Variants in SNX29 observed in about 807,000 individuals in gnomAD.
SNX29 encodes sorting nexin-29.
In SNX29, 78 loss-of-function variants were observed where a neutral mutation model predicts 102.1. The ratio of observed to expected loss-of-function variants is 0.76; its 90% CI spans 0.64 to 0.92. The LOEUF (loss-of-function observed/expected upper bound fraction) is 0.92, where lower values mean the gene tolerates loss of function less well. Among genes scored for constraint, SNX29 ranks in the 40% least tolerant of loss-of-function variants. SNX29 has a pLI of 0.00. For missense variants in SNX29, 1,280 were observed against 1,061.7 expected, an observed-to-expected ratio of 1.21 and a Z score of -2.86; for synonymous variants, 580 against 414.5, an observed-to-expected ratio of 1.40 and a Z score of -4.85.
chr16:12,467,092 C>G (rs2087090102), intron 18 of SNX29, among the ~76,000 whole-genome samples: 1 of 152,180 alleles, frequency 6.6e-6, no homozygotes, highest in Admixed American at 6.5e-5. Flanking sequence ...GTCGGGCAGA[C>G]CTGGGCTTCA....
chr16:12,275,765 A>C (rs2079226544), intron 14 of SNX29, among the ~76,000 whole-genome samples: 1 of 151,720 alleles, frequency 6.6e-6, no homozygotes, highest in African/African-American at 2.4e-5. Context: ...GACACATAAT[A>C]AATTGTGCAT....
Position 12,572,068 on chromosome 16 carries a change from A to T in SNX29, c.*3439A>T, listed in dbSNP as rs573223006. The T allele has an allele frequency of 1.0e-5, 11 of 1,063,464 alleles. No homozygotes were observed. In the South Asian group the frequency reaches 4.6e-4, roughly 44 times the overall value. 65.9% of individuals were successfully genotyped at this position (1,063,464 alleles called of 1,614,324 possible). On this transcript the variant is annotated 3_prime_UTR_variant, in exon 21 of 21. Transcript: ENST00000566228. ...TTGTAAACAAGGGAACCATCTTGCAAGATCTAGGAAGAGGAAGGGGAGGGA... is the reference window on the plus strand; with the variant it reads ...TTGTAAACAAGGGAACCATCTTGCATGATCTAGGAAGAGGAAGGGGAGGGA...
At chr16:12,063,091 G>C (rs1373020928) in intron 9 of SNX29, among the ~76,000 whole-genome samples, 1 of 152,180 alleles carries the variant, frequency 6.6e-6, no homozygotes, top group East Asian at 1.9e-4. Flanking sequence ...GAACTCATCT[G>C]CTCTTGAGCA....
At chr16:12,317,679 G>A (rs1461063180) in intron 15 of SNX29, among the ~76,000 whole-genome samples, 1 of 152,200 alleles carries the variant, frequency 6.6e-6, no homozygotes, top group Non-Finnish European at 1.5e-5. Flanking sequence ...GACTAAGTGT[G>A]TCTTATGCAC....
rs1298660874 is a variant in SNX29, at chr16:12,572,507, T to G, written c.*3878T>G. ...TTGGGGTTCCAGGCCTCGGCCTTCCTGCTCCACGTGCTCAAGCCCCCACAG... is the reference window on the plus strand; with the variant it reads ...TTGGGGTTCCAGGCCTCGGCCTTCCGGCTCCACGTGCTCAAGCCCCCACAG... On this transcript the variant is annotated 3_prime_UTR_variant, in exon 21 of 21. Coordinates refer to ENST00000566228, the MANE Select transcript of SNX29 (RefSeq NM_032167.5). The G allele has an allele frequency of 3.8e-6, 4 of 1,063,716 alleles. No individual in the cohort carries two copies. The Admixed American group carries it at 2.1e-4, about 57-fold the overall frequency. The allele number at this position is 1,063,716 out of a possible 1,614,324, so 65.9% of individuals were successfully genotyped here.
chr16:12,095,925 C>T (rs1596866782), intron 11 of SNX29, among the ~76,000 whole-genome samples: 1 of 152,208 alleles, frequency 6.6e-6, no homozygotes, highest in African/African-American at 2.4e-5. Context: ...GCTAGTGAGG[C>T]GTTCTGGCTC....
intron 11 of SNX29, among the ~76,000 whole-genome samples, chr16:12,121,776 A>C (rs1190520465): frequency 2.0e-5 from 3 of 152,046 alleles, no homozygotes; most frequent in Non-Finnish European, 4.4e-5. Flanking sequence ...GGTTTCATTT[A>C]AGGGTGGGTT....
chr16:12,333,753 C>T (rs1454915630), intron 15 of SNX29, among the ~76,000 whole-genome samples: 3 of 152,126 alleles, frequency 2.0e-5, no homozygotes, highest in Non-Finnish European at 4.4e-5. Context: ...TTATCTGTAT[C>T]TCTCACAGAG....
intron 12 of SNX29, among the ~76,000 whole-genome samples, chr16:12,127,804 G>A (rs948900098): frequency 6.6e-6 from 1 of 152,104 alleles, no homozygotes; most frequent in Admixed American, 6.6e-5. Context: ...CTTAAAGTTT[G>A]CCCAAATCAG....
intron 18 of SNX29, among the ~76,000 whole-genome samples, chr16:12,462,564 T>C (rs569445097): frequency 1.4e-4 from 21 of 151,500 alleles, no homozygotes; most frequent in Non-Finnish European, 3.1e-4. Flanking sequence ...TTAATTTGTA[T>C]CCCAGTCTTA....
chr16:12,514,060 C>T (rs1299768269), intron 19 of SNX29, among the ~76,000 whole-genome samples: 2 of 152,250 alleles, frequency 1.3e-5, no homozygotes, highest in Non-Finnish European at 2.9e-5. Context: ...GGCTTGCTCC[C>T]TGCATCCCAG....
chr16:12,073,552 T>C (rs188116556), intron 10 of SNX29, among the ~76,000 whole-genome samples: 2 of 152,208 alleles, frequency 1.3e-5, no homozygotes, highest in Non-Finnish European at 2.9e-5. Context: ...ATAATTTCTG[T>C]TCTTTTACAT....
intron 15 of SNX29, among the ~76,000 whole-genome samples, chr16:12,355,777 C>T (rs370072345): frequency 8.5e-5 from 12 of 140,772 alleles, no homozygotes; most frequent in East Asian, 4.3e-4. Context: ...AGGACCACAG[C>T]GCATAGCCAG....
At chr16:12,228,336 C>T (rs1438437795) in intron 14 of SNX29, among the ~76,000 whole-genome samples, 2 of 152,194 alleles carry the variant, frequency 1.3e-5, no homozygotes, top group Non-Finnish European at 2.9e-5. Context: ...GTCTAAACTT[C>T]CAGCACGTTC....
chr16:12,380,302 CA>C, intron 16 of SNX29, among the ~76,000 whole-genome samples: 2 of 149,942 alleles, frequency 1.3e-5, no homozygotes, highest in Admixed American at 6.7e-5. Context: ...CCCCAACACC[CA>C]ACCACCCACC....
At chr16:12,189,519 T>C (rs1454996182) in intron 13 of SNX29, among the ~76,000 whole-genome samples, 3 of 152,202 alleles carry the variant, frequency 2.0e-5, no homozygotes, top group Non-Finnish European at 4.4e-5. Flanking sequence ...ATCTTTTTAG[T>C]GCATCCTGGC....
At chr16:12,117,867 G>A (rs369340464) in intron 11 of SNX29, among the ~76,000 whole-genome samples, 5 of 152,026 alleles carry the variant, frequency 3.3e-5, no homozygotes, top group Admixed American at 1.3e-4. Flanking sequence ...AGGCTGAGGC[G>A]GGCGGATCAC....
chr16:12,070,259 G>C (rs987518449), intron 10 of SNX29, among the ~76,000 whole-genome samples: 2 of 151,116 alleles, frequency 1.3e-5, no homozygotes, highest in African/African-American at 4.9e-5. Flanking sequence ...CATGTGCCAT[G>C]CTGGTGTGCT....
At chr16:12,184,067 T>G (rs1267086253) in intron 13 of SNX29, among the ~76,000 whole-genome samples, 1 of 152,202 alleles carries the variant, frequency 6.6e-6, no homozygotes, top group Non-Finnish European at 1.5e-5. Context: ...TTCCTTTACT[T>G]TCTTAATAAA....
Sources: gnomAD v4.1 joint callset for allele counts (sites outside exome capture counted in the v4.1 genomes callset) on GRCh38, gnomAD v4.1.1 for gene constraint, MANE v1.5 for transcripts, NCBI Gene and HGNC (gene_info 2026-07-23, HGNC 2026-07-21) for gene names.